The following DDI2 variants were observed in gnomAD, a reference collection of about 807,000 sequenced individuals.
DDI2 encodes protein DDI1 homolog 2.
DDI2 carries 5 observed loss-of-function variants against 48.1 expected under a neutral mutation model. The observed-to-expected ratio is 0.10, with a 90% CI of 0.05 to 0.22. The LOEUF is 0.22. Ranked by LOEUF, DDI2 falls within the 10% of genes least tolerant of loss-of-function variation. The pLI is 1.00. For missense variants in DDI2, 285 were observed against 506.2 expected, an observed-to-expected ratio of 0.56 and a Z score of 4.19; for synonymous variants, 205 against 183.6, an observed-to-expected ratio of 1.12 and a Z score of -0.94.
Position 15,617,494 on chromosome 1 carries a change from G to T in DDI2, c.-177G>T. On this transcript the variant is annotated 5_prime_UTR_variant, in exon 1 of 10. Coordinates refer to ENST00000480945, the MANE Select transcript of DDI2 (RefSeq NM_032341.5). ...CAGGCGTGTGGCGGCGGCCGTGCTTGCTAGTGAGGGCGGGAGGGAGTGACT... is the reference window on the plus strand; with the variant it reads ...CAGGCGTGTGGCGGCGGCCGTGCTTTCTAGTGAGGGCGGGAGGGAGTGACT... The T allele has an allele frequency of 2.5e-6, 1 of 399,776 alleles. No individual in the cohort carries two copies. Among genetic ancestry groups the T allele is most frequent in the Middle Eastern group, 7.0e-4 (1 of 1,428 alleles). 24.8% of individuals were successfully genotyped at this position (399,776 alleles called of 1,614,324 possible).
intron 1 of DDI2, among the ~76,000 whole-genome samples, chr1:15,622,198 C>CTTT (rs923707351): frequency 9.1e-5 from 12 of 131,238 alleles, no homozygotes; most frequent in African/African-American, 2.3e-4. Flanking sequence ...GTAGCTGCGA[C>CTTT]TTTTTTTTTT....
At chr1:15,649,050 A>G (rs1440104522) in intron 6 of DDI2, among the ~76,000 whole-genome samples, 2 of 151,972 alleles carry the variant, frequency 1.3e-5, no homozygotes, top group South Asian at 2.1e-4. Flanking sequence ...CCTGGTCAAT[A>G]TAGCGAGACT....
chr1:15,667,451 C>T lies in DDI2; in HGVS notation c.*7661C>T, dbSNP rs1055461441. 2.0e-5 allele frequency: 3 copies of T among 152,234 alleles called. No homozygotes were observed. The highest frequency in any genetic ancestry group is 2.1e-4 in the South Asian group (1 of 4,834). The allele number at this position is 152,234 out of a possible 1,614,324, so 9.4% of individuals were successfully genotyped here. ...ACATGGAGTGTGCGGCAGCATCCTCCTCACATCCCTTTGTGAGCACGGCTG... is the reference window on the plus strand; with the variant it reads ...ACATGGAGTGTGCGGCAGCATCCTCTTCACATCCCTTTGTGAGCACGGCTG... On this transcript the variant is annotated 3_prime_UTR_variant, in exon 10 of 10. Coordinates refer to ENST00000480945, the MANE Select transcript of DDI2 (RefSeq NM_032341.5).
intron 1 of DDI2, among the ~76,000 whole-genome samples, chr1:15,621,063 C>T (rs1639652191): frequency 1.3e-5 from 2 of 152,140 alleles, no homozygotes; most frequent in Admixed American, 6.5e-5. Flanking sequence ...AAATTTAGAA[C>T]AAGCCATCTC....
chr1:15,621,892 G>A (rs1639673076), intron 1 of DDI2, among the ~76,000 whole-genome samples: 1 of 152,152 alleles, frequency 6.6e-6, no homozygotes, highest in South Asian at 2.1e-4. Context: ...CAGATCAAAA[G>A]CATAAAGTCT....
intron 2 of DDI2, among the ~76,000 whole-genome samples, chr1:15,629,239 G>T (rs1388127064): frequency 6.6e-6 from 1 of 152,172 alleles, no homozygotes; most frequent in African/African-American, 2.4e-5. Flanking sequence ...GAGCCAATAC[G>T]TTTAGCACTG....
Position 15,633,498 on chromosome 1 carries a change from A to C in DDI2, c.565A>C (p.Arg189=). ...QQDRARREQE[R]IRLFSADPFD... ...GGACCGAGCCCGGAGAGAGCAAGAA[A>C]GGATTCGTCTGTTTTCTGCTGATCC... The change falls in exon 4 of 10, where the codon AGG becomes CGG. Residue 189 remains arginine, a synonymous_variant. Coordinates refer to ENST00000480945, the MANE Select transcript of DDI2 (RefSeq NM_032341.5). 6.2e-7 allele frequency: 1 copy of C among 1,613,858 alleles called. No individual in the cohort carries two copies. The highest frequency in any genetic ancestry group is 8.5e-7 in the Non-Finnish European group (1 of 1,179,806).
At chr1:15,652,447 GGA>G (rs201668705) in intron 8 of DDI2, among the ~76,000 whole-genome samples, 398 of 29,406 alleles carry the variant, frequency 0.014, 73 homozygotes, top group African/African-American at 0.061. Flanking sequence ...GGGAGGCTCC[GGA>G]GGGGGGGGGG....
chr1:15,643,682 T>G (rs563241144), intron 6 of DDI2, 32 bp downstream of exon 6: 1 of 1,610,308 alleles, frequency 6.2e-7, no homozygotes, highest in African/African-American at 1.3e-5. Flanking sequence ...TTGCTGTCTT[T>G]CTGTAGGCTA....
At chr1:15,634,591 G>A (rs1327177945) in intron 4 of DDI2, among the ~76,000 whole-genome samples, 2 of 125,210 alleles carry the variant, frequency 1.6e-5, no homozygotes, top group East Asian at 5.5e-4. Flanking sequence ...AGAGTGCAGT[G>A]GCACAATCAC....
intron 1 of DDI2, among the ~76,000 whole-genome samples, chr1:15,626,208 T>TGA (rs951580316): frequency 2.6e-5 from 4 of 152,228 alleles, no homozygotes; most frequent in Non-Finnish European, 5.9e-5. Context: ...ATCTCGTGAA[T>TGA]GAAACAAAGT....
chr1:15,665,893 C>T lies in DDI2; in HGVS notation c.*6103C>T, dbSNP rs1458182155. On this transcript the variant is annotated 3_prime_UTR_variant, in exon 10 of 10. Coordinates refer to ENST00000480945, the MANE Select transcript of DDI2 (RefSeq NM_032341.5). The stretch of plus-strand genomic sequence containing the variant: ...CACTGGCAGTGTGTCCCAAGAGAAG[C>T]TGACCAGATTATGCATTCTACTGTT... The T allele has an allele frequency of 2.0e-5, 3 of 152,124 alleles. No individual in the cohort carries two copies. The highest frequency in any genetic ancestry group is 4.4e-5 in the Non-Finnish European group (3 of 68,050). The allele number at this position is 152,124 out of a possible 1,614,324, so 9.4% of individuals were successfully genotyped here. A position where few individuals can be genotyped will look rare whatever the true frequency, so the allele number is the denominator to read the frequency against.
Position 15,660,887 on chromosome 1 carries a change from C to T in DDI2, c.*1097C>T, listed in dbSNP as rs1402663323. Reference sequence around the variant, plus strand: ...CCAAGTCTCTGTGGCAGTTGTCAGCCTTCTGTGGAGTCAGCAGAAGAATCT... The same window carrying T: ...CCAAGTCTCTGTGGCAGTTGTCAGCTTTCTGTGGAGTCAGCAGAAGAATCT... On this transcript the variant is annotated 3_prime_UTR_variant, in exon 10 of 10. Transcript: ENST00000480945. 6.2e-7 allele frequency: 1 copy of T among 1,614,096 alleles called. No homozygotes were observed. Among genetic ancestry groups the T allele is most frequent in the Non-Finnish European group, 8.5e-7 (1 of 1,180,014 alleles).
chr1:15,646,511 A>T (rs1321519019), intron 6 of DDI2, among the ~76,000 whole-genome samples: 2 of 152,062 alleles, frequency 1.3e-5, no homozygotes, highest in Non-Finnish European at 2.9e-5. Flanking sequence ...ACATGGTGAA[A>T]CCCTGTCTCT....
Position 15,661,159 on chromosome 1 carries a change from G to C in DDI2, c.*1369G>C. On this transcript the variant is annotated 3_prime_UTR_variant, in exon 10 of 10. Coordinates refer to ENST00000480945, the MANE Select transcript of DDI2 (RefSeq NM_032341.5). ...ATCAGTGGAGACAGAAAAATTAACAGGTACTTCATCTGACACTGGAAGAGA... is the reference window on the plus strand; with the variant it reads ...ATCAGTGGAGACAGAAAAATTAACACGTACTTCATCTGACACTGGAAGAGA... 1.2e-6 allele frequency: 2 copies of C among 1,614,040 alleles called. No homozygotes were observed. Among genetic ancestry groups the C allele is most frequent in the Non-Finnish European group, 1.7e-6 (2 of 1,179,988 alleles).
intron 5 of DDI2, among the ~76,000 whole-genome samples, chr1:15,638,828 C>T (rs1189221154): frequency 6.6e-6 from 1 of 152,130 alleles, no homozygotes; most frequent in Non-Finnish European, 1.5e-5. Flanking sequence ...AACTCACTAG[C>T]GTGGGACTTA....
In DDI2 at chr1:15,668,431, C is replaced by G. The variant is rs1214618982; in HGVS notation, c.*8641C>G. The G allele has an allele frequency of 2.6e-5, 4 of 152,244 alleles. No homozygotes were observed. Among genetic ancestry groups the G allele is most frequent in the Middle Eastern group, 6.8e-3 (2 of 294 alleles). 9.4% of individuals were successfully genotyped at this position (152,244 alleles called of 1,614,324 possible). A position where few individuals can be genotyped will look rare whatever the true frequency, so the allele number is the denominator to read the frequency against. Reference sequence around the variant, plus strand: ...TTCTAGTGATAAACTCAGAGAAATTCAATATATTGATTGAATTTTATTTTT... The same window carrying G: ...TTCTAGTGATAAACTCAGAGAAATTGAATATATTGATTGAATTTTATTTTT... On this transcript the variant is annotated 3_prime_UTR_variant, in exon 10 of 10. Coordinates refer to ENST00000480945, the MANE Select transcript of DDI2 (RefSeq NM_032341.5).
chr1:15,627,087 T>G, intron 2 of DDI2: 1 of 344,538 alleles, frequency 2.9e-6, no homozygotes, highest in African/African-American at 2.1e-5. Context: ...GCTTCTGTTA[T>G]CAGTGATAAT....
At chr1:15,654,915 A>G (rs1438647145) in intron 8 of DDI2, among the ~76,000 whole-genome samples, 2 of 149,960 alleles carry the variant, frequency 1.3e-5, no homozygotes, top group Admixed American at 6.6e-5. Context: ...ATATGAGGAT[A>G]TATTATCATT....
Sources: allele counts gnomAD v4.1 joint callset (sites outside exome capture counted in the v4.1 genomes callset), GRCh38; gene constraint gnomAD v4.1.1; transcripts MANE v1.5; gene names NCBI Gene and HGNC (gene_info 2026-07-23, HGNC 2026-07-21).